ITGB5: variants seen among roughly 807,000 people sequenced by gnomAD.
The protein encoded by ITGB5 is integrin subunit beta 5, also known as integrin beta-5.
A neutral mutation model predicts 84.8 loss-of-function variants in ITGB5; 38 were observed. That is an observed-to-expected ratio of 0.45 (90% CI 0.35 to 0.59). ITGB5 has a LOEUF of 0.59. Ranked by LOEUF, ITGB5 falls within the 20% of genes least tolerant of loss-of-function variation. The probability of loss-of-function intolerance (pLI) is 0.01; values close to 1 mark genes in which losing one functional copy is unlikely to be tolerated. For missense variants in ITGB5, 905 were observed against 1,034.5 expected, an observed-to-expected ratio of 0.87 and a Z score of 1.72; for synonymous variants, 393 against 414.4, an observed-to-expected ratio of 0.95 and a Z score of 0.63.
At chr3:124,843,017 G>A (rs1187047647) in intron 4 of ITGB5, among the ~76,000 whole-genome samples, 3 of 152,136 alleles carry the variant, frequency 2.0e-5, no homozygotes, top group Non-Finnish European at 2.9e-5. Context: ...CGGCGGCAGC[G>A]ATGGGATCTC....
intron 10 of ITGB5, among the ~76,000 whole-genome samples, chr3:124,782,735 G>A (rs138390202): frequency 0.048 from 7,321 of 152,214 alleles, 257 homozygotes; most frequent in South Asian, 0.089. Flanking sequence ...GCACACGCTT[G>A]TAATCCCAGC....
chr3:124,819,961 G>C, intron 6 of ITGB5, 127 bp from the exon 7 acceptor site: 2 of 748,142 alleles, frequency 2.7e-6, no homozygotes, highest in Admixed American at 3.8e-5. Flanking sequence ...TGGCCCCTTA[G>C]AGTCCCTTAA....
chr3:124,823,382 A>G lies in ITGB5; in HGVS notation c.781-1908T>C, dbSNP rs367857607. 5.3e-5 allele frequency among the ~76,000 whole-genome samples: 8 copies of G among 152,188 alleles called. No individual in the cohort carries two copies. The South Asian group carries it at 1.7e-3, about 32-fold the overall frequency. ...AGTGGGCATTCTAGGCGCTAACAGA[A>G]GCTCAGAGGGGAAAGGAGCACAGTG... is the stretch of plus-strand genomic sequence containing the variant. On this transcript the variant is annotated intron_variant, in intron 5 of 14. Coordinates refer to ENST00000296181, the MANE Select transcript of ITGB5 (RefSeq NM_002213.5).
intron 10 of ITGB5, 34 bp from the exon 11 acceptor site, chr3:124,773,946 T>C (rs2063886398): frequency 6.3e-7 from 1 of 1,590,250 alleles, no homozygotes; most frequent in Admixed American, 1.7e-5. Context: ...CAGCACCTGC[T>C]CACCTTTACA....
At chr3:124,856,796 C>G (rs1499961) in intron 3 of ITGB5, among the ~76,000 whole-genome samples, 67,329 of 151,992 alleles carry the variant, frequency 0.44, 15,174 homozygotes, top group East Asian at 0.67. Context: ...AACCCTGGAC[C>G]CTGAGTCTGT....
intron 12 of ITGB5, among the ~76,000 whole-genome samples, chr3:124,767,771 A>G (rs1252603418): frequency 6.6e-6 from 1 of 152,238 alleles, no homozygotes; most frequent in Non-Finnish European, 1.5e-5. Flanking sequence ...ATGCATATAT[A>G]GCTCAAATAT....
intron 7 of ITGB5, 44 bp downstream of exon 7, chr3:124,819,695 C>T (rs762619264): frequency 2.2e-6 from 3 of 1,378,504 alleles, no homozygotes; most frequent in Admixed American, 1.7e-5. Flanking sequence ...CCTCACCACC[C>T]ACTTCACCCC....
At chr3:124,843,183 G>A (rs1170724490) in intron 4 of ITGB5, among the ~76,000 whole-genome samples, 1 of 152,096 alleles carries the variant, frequency 6.6e-6, no homozygotes, top group African/African-American at 2.4e-5. Flanking sequence ...AACAATCATG[G>A]AAATTACATT....
chr3:124,817,557 T>C (rs2064623931), intron 8 of ITGB5, 64 bp downstream of exon 8: 1 of 862,566 alleles, frequency 1.2e-6, no homozygotes, highest in Non-Finnish European at 1.9e-6. Flanking sequence ...CCGCGGCAGC[T>C]GCAGGGCCTC....
intron 2 of ITGB5, among the ~76,000 whole-genome samples, chr3:124,866,380 G>A (rs145180424): frequency 1.3e-5 from 2 of 152,310 alleles, no homozygotes; most frequent in African/African-American, 4.8e-5. Flanking sequence ...AGTGCATTCA[G>A]GTTCCTCTAT....
intron 9 of ITGB5, among the ~76,000 whole-genome samples, chr3:124,802,761 G>C (rs899604978): frequency 1.3e-5 from 2 of 152,252 alleles, no homozygotes; most frequent in Non-Finnish European, 2.9e-5. Flanking sequence ...TGCATGGCCT[G>C]GTGTGGCTCT....
chr3:124,842,029 G>A (rs992205097), intron 4 of ITGB5, among the ~76,000 whole-genome samples: 10 of 152,216 alleles, frequency 6.6e-5, no homozygotes, highest in African/African-American at 2.4e-4. Flanking sequence ...AAGGATCACA[G>A]GATCACATAA....
chr3:124,839,259 CA>C (rs1031893976), intron 5 of ITGB5, among the ~76,000 whole-genome samples: 16 of 152,198 alleles, frequency 1.1e-4, no homozygotes, highest in African/African-American at 3.6e-4. Context: ...GCCTCTCCGT[CA>C]ACAATAATTC....
At chr3:124,816,875 C>A (rs750445372) in intron 8 of ITGB5, among the ~76,000 whole-genome samples, 1 of 152,132 alleles carries the variant, frequency 6.6e-6, no homozygotes, top group African/African-American at 2.4e-5. Context: ...CATTCACGAA[C>A]CCTCTGAAAG....
chr3:124,771,241 A>G (rs12488326), intron 11 of ITGB5, among the ~76,000 whole-genome samples: 42,846 of 151,928 alleles, frequency 0.28, 6,906 homozygotes, highest in African/African-American at 0.41. Context: ...AAGTGTGGTT[A>G]GTTAGATCCA....
At chr3:124,808,908 G>C (rs1217767248) in intron 9 of ITGB5, 114 bp downstream of exon 9, 1 of 1,212,012 alleles carries the variant, frequency 8.3e-7, no homozygotes, top group Admixed American at 2.2e-5. Flanking sequence ...TGCTGAATTG[G>C]AAAACAGAAT....
At chr3:124,782,003 A>C (rs894217444) in intron 10 of ITGB5, among the ~76,000 whole-genome samples, 2 of 152,240 alleles carry the variant, frequency 1.3e-5, no homozygotes, top group African/African-American at 4.8e-5. Flanking sequence ...TGTGCAATAG[A>C]GAAATGTATG....
chr3:124,892,328 A>T (rs1404459603), upstream of ITGB5, among the ~76,000 whole-genome samples: 1 of 151,770 alleles, frequency 6.6e-6, no homozygotes, highest in Non-Finnish European at 1.5e-5. Context: ...CAGGAAATAG[A>T]TGGTAGTAAT....
Position 124,848,657 on chromosome 3 carries a change from C to G in ITGB5, c.362-99G>C, listed in dbSNP as rs938529448. ...CAAAGCTAGTTTGCCTCTTACTTTT[C>G]TTTAGTGATTGTGTGCCTCACAGAA... is the stretch of plus-strand genomic sequence containing the variant. On this transcript the variant is annotated intron_variant, in intron 3 of 14. Transcript: ENST00000296181. 9 of 1,330,130 alleles carry G rather than the reference C, an allele frequency of 6.8e-6. No homozygotes were observed. The African/African-American group carries it at 1.3e-4, about 19-fold the overall frequency. The allele number at this position is 1,330,130 out of a possible 1,614,324, so 82.4% of individuals were successfully genotyped here.
Sources: allele counts gnomAD v4.1 joint callset (sites outside exome capture counted in the v4.1 genomes callset), GRCh38; gene constraint gnomAD v4.1.1; transcripts MANE v1.5; gene names NCBI Gene and HGNC (gene_info 2026-07-23, HGNC 2026-07-21).